Variants in ATXN7 observed in about 807,000 individuals in gnomAD.
ATXN7 encodes the protein ataxin-7.
In ATXN7, 12 loss-of-function variants were observed where a neutral mutation model predicts 70.5. The observed-to-expected ratio is 0.17, with a 90% confidence interval of 0.11 to 0.28. The LOEUF is 0.28. ATXN7 is among the 10% of genes least tolerant of loss of function. The pLI is 1.00. For missense variants in ATXN7, 1,256 were observed against 1,131.7 expected, an observed-to-expected ratio of 1.11 and a Z score of -1.58; for synonymous variants, 498 against 448.7, an observed-to-expected ratio of 1.11 and a Z score of -1.39.
At chr3:63,897,437 C>T (rs1454158102) in intron 1 of ATXN7, among the ~76,000 whole-genome samples, 1 of 152,130 alleles carries the variant, frequency 6.6e-6, no homozygotes, top group Non-Finnish European at 1.5e-5. Context: ...AGTAAATGTT[C>T]AAAACATGGC....
intron 5 of ATXN7, 149 bp from the exon 6 acceptor site, chr3:63,979,766 G>A (rs2075454976): frequency 1.5e-5 from 15 of 1,029,080 alleles, no homozygotes; most frequent in Non-Finnish European, 2.1e-5. Flanking sequence ...GCCTAGATGA[G>A]CCATTTCTGA....
At chr3:63,880,917 C>T (rs1444921349) in intron 1 of ATXN7, among the ~76,000 whole-genome samples, 3 of 152,204 alleles carry the variant, frequency 2.0e-5, no homozygotes, top group African/African-American at 7.2e-5. Flanking sequence ...CAGTGCTGAG[C>T]ATGGCGCTCA....
intron 4 of ATXN7, among the ~76,000 whole-genome samples, chr3:63,924,627 T>C (rs750527090): frequency 1.3e-5 from 2 of 152,116 alleles, no homozygotes; most frequent in Non-Finnish European, 2.9e-5. Flanking sequence ...GTCTCTGTTA[T>C]ATGCTGCTGT....
At chr3:63,899,476 A>T (rs1036981674) in intron 2 of ATXN7, among the ~76,000 whole-genome samples, 9 of 152,100 alleles carry the variant, frequency 5.9e-5, no homozygotes, top group Non-Finnish European at 1.0e-4. Flanking sequence ...ATTTTGATTT[A>T]AAAAAACAAA....
intron 4 of ATXN7, among the ~76,000 whole-genome samples, chr3:63,924,288 C>T (rs943060049): frequency 4.6e-5 from 7 of 152,116 alleles, no homozygotes; most frequent in South Asian, 2.1e-4. Flanking sequence ...CTGCTTTTGA[C>T]GTACTTAGTG....
rs778443023 is a variant in ATXN7, at chr3:63,982,193, C to A, written c.760C>A (p.Pro254Thr). The change falls in exon 7 of 13, where the codon CCC becomes ACC. Residue 254 changes from proline (P) to threonine (T), a missense_variant. Pro to Thr is a conservative substitution (Grantham distance 38). Coordinates refer to ENST00000674280, the MANE Select transcript of ATXN7 (RefSeq NM_001377405.1). Reference sequence around the variant, plus strand: ...CACTTCCTCCTGTGACAGCATGACACCCTCTGTGAAAGTGGAAAAGATTCA... The same window carrying A: ...CACTTCCTCCTGTGACAGCATGACAACCTCTGTGAAAGTGGAAAAGATTCA... ...SRVPHGRIMT[P>T]SVKVEKIHPK... 1.4e-5 allele frequency: 23 copies of A among 1,614,114 alleles called. No individual in the cohort carries two copies. Among genetic ancestry groups the A allele is most frequent in the East Asian group, 2.2e-5 (1 of 44,852 alleles).
intron 5 of ATXN7, among the ~76,000 whole-genome samples, chr3:63,955,878 A>G (rs191595665): frequency 6.6e-6 from 1 of 152,238 alleles, no homozygotes; most frequent in Non-Finnish European, 1.5e-5. Context: ...CACTGCTACC[A>G]GGACAAGAAA....
chr3:63,976,886 A>G (rs909642814), intron 5 of ATXN7, among the ~76,000 whole-genome samples: 1 of 152,230 alleles, frequency 6.6e-6, no homozygotes, highest in Non-Finnish European at 1.5e-5. Flanking sequence ...ACAGTCTTAC[A>G]AATGTTAAAT....
intron 4 of ATXN7, among the ~76,000 whole-genome samples, chr3:63,936,871 T>C (rs1312409399): frequency 6.6e-6 from 1 of 152,240 alleles, no homozygotes; most frequent in Non-Finnish European, 1.5e-5. Context: ...TGGTCCGTTT[T>C]CTAGTCTGCC....
At chr3:63,874,005 G>C (rs1702672787) in intron 1 of ATXN7, among the ~76,000 whole-genome samples, 1 of 152,088 alleles carries the variant, frequency 6.6e-6, no homozygotes, top group Non-Finnish European at 1.5e-5. Flanking sequence ...CTGGCCCCGA[G>C]GATTCTTAAA....
At chr3:63,865,543 T>C (rs1200828931) in intron 1 of ATXN7, among the ~76,000 whole-genome samples, 1 of 152,120 alleles carries the variant, frequency 6.6e-6, no homozygotes, top group Non-Finnish European at 1.5e-5. Context: ...AAATTGTCAA[T>C]TGATTGGGGT....
At chr3:63,899,860 G>T (rs1703569382) in intron 2 of ATXN7, among the ~76,000 whole-genome samples, 1 of 152,012 alleles carries the variant, frequency 6.6e-6, no homozygotes, top group Non-Finnish European at 1.5e-5. Context: ...TTCGCGATCT[G>T]CCCTCCTCGG....
chr3:63,957,101 T>C lies in ATXN7; in HGVS notation c.499+4618T>C, dbSNP rs550636879. ...CTTGTGGGGTGTTTTTGAGGCTGTA[T>C]ACTGAGAGCTTCCCAGGAATTCCTA... On this transcript the variant is annotated intron_variant, in intron 5 of 12. Coordinates refer to ENST00000674280, the MANE Select transcript of ATXN7 (RefSeq NM_001377405.1). Among the ~76,000 whole-genome samples, 22 of 152,330 alleles carry C rather than the reference T, an allele frequency of 1.4e-4. No homozygotes were observed. The South Asian group carries it at 4.3e-3, about 30-fold the overall frequency.
chr3:63,990,952 T>C, intron 11 of ATXN7, 93 bp downstream of exon 11: 1 of 1,584,368 alleles, frequency 6.3e-7, no homozygotes, highest in Non-Finnish European at 8.6e-7. Flanking sequence ...GAAGATATGC[T>C]TATCTAAACA....
intron 5 of ATXN7, among the ~76,000 whole-genome samples, chr3:63,958,548 C>T (rs2075073487): frequency 6.6e-6 from 1 of 152,172 alleles, no homozygotes; most frequent in Admixed American, 6.5e-5. Context: ...TAATACAGAA[C>T]ACTTCCCTCC....
chr3:63,984,479 A>G (rs962061107), intron 8 of ATXN7, among the ~76,000 whole-genome samples: 8 of 152,168 alleles, frequency 5.3e-5, no homozygotes, highest in African/African-American at 1.9e-4. Flanking sequence ...AGAATGTGTG[A>G]AAGCATGCCT....
intron 1 of ATXN7, among the ~76,000 whole-genome samples, chr3:63,885,662 C>G (rs1438126080): frequency 6.6e-6 from 1 of 152,116 alleles, no homozygotes; most frequent in Non-Finnish European, 1.5e-5. Flanking sequence ...CAGCATTATT[C>G]ACAATAGCCA....
At chr3:63,868,663 G>A (rs1439459405) in intron 1 of ATXN7, among the ~76,000 whole-genome samples, 1 of 152,094 alleles carries the variant, frequency 6.6e-6, no homozygotes, top group African/African-American at 2.4e-5. Flanking sequence ...GGACATGGAT[G>A]CTGCTGGGCA....
chr3:63,933,218 A>G (rs1003992340), intron 4 of ATXN7, among the ~76,000 whole-genome samples: 2 of 152,088 alleles, frequency 1.3e-5, no homozygotes, highest in African/African-American at 4.8e-5. Context: ...TTTCTCTCTG[A>G]GTCTCTCCCT....
Sources: gnomAD v4.1 joint callset for allele counts (sites outside exome capture counted in the v4.1 genomes callset) on GRCh38, gnomAD v4.1.1 for gene constraint, MANE v1.5 for transcripts, NCBI Gene and HGNC (gene_info 2026-07-23, HGNC 2026-07-21) for gene names.